The following INSC variants were observed in gnomAD, a reference collection of about 807,000 sequenced individuals.
The protein encoded by INSC is protein inscuteable homolog.
A neutral mutation model predicts 58.6 loss-of-function variants in INSC; 67 were observed. The ratio of observed to expected loss-of-function variants is 1.14; its 90% CI spans 0.94 to 1.40. INSC has a LOEUF of 1.40. Ranked by LOEUF, INSC falls within the 40% of genes most tolerant of loss-of-function variation. The pLI, the probability that INSC is intolerant of heterozygous loss-of-function variation, is 0.00. For missense variants in INSC, 714 were observed against 692.0 expected, an observed-to-expected ratio of 1.03 and a Z score of -0.36; for synonymous variants, 262 against 276.1, an observed-to-expected ratio of 0.95 and a Z score of 0.51.
chr11:15,159,889 A>T (rs1454920532), intron 2 of INSC, among the ~76,000 whole-genome samples: 1 of 152,216 alleles, frequency 6.6e-6, no homozygotes, highest in Non-Finnish European at 1.5e-5. Flanking sequence ...TATGGATTTT[A>T]TCCCCCTGAC....
intron 10 of INSC, among the ~76,000 whole-genome samples, 172 bp from the exon 11 acceptor site, chr11:15,238,747 C>T (rs1852225337): frequency 6.6e-6 from 1 of 152,222 alleles, no homozygotes; most frequent in Non-Finnish European, 1.5e-5. Context: ...GAGACACCCT[C>T]AGGAGAAGAA....
In INSC at chr11:15,177,096, C is replaced by A; in HGVS notation, c.403-15C>A. The A allele has an allele frequency of 6.2e-7, 1 of 1,612,120 alleles. No homozygotes were observed. The highest frequency in any genetic ancestry group is 8.5e-7 in the Non-Finnish European group (1 of 1,178,260). On this transcript the variant is annotated splice_polypyrimidine_tract_variant and intron_variant, in intron 3 of 12. Coordinates refer to ENST00000379556, the MANE Select transcript of INSC (RefSeq NM_001042536.3). ...TGCTTACTGAGTTGAATAAAATGGACTTATTTTTCTACAGATTGAGAAGCT... is the reference window on the plus strand; with the variant it reads ...TGCTTACTGAGTTGAATAAAATGGAATTATTTTTCTACAGATTGAGAAGCT...
chr11:15,164,949 C>T (rs1849144971), intron 2 of INSC, among the ~76,000 whole-genome samples: 1 of 152,148 alleles, frequency 6.6e-6, no homozygotes, highest in African/African-American at 2.4e-5. Flanking sequence ...TGAGGGCTCC[C>T]TATCCATGTG....
intron 9 of INSC, among the ~76,000 whole-genome samples, chr11:15,229,025 A>G (rs958973754): frequency 6.6e-6 from 1 of 152,174 alleles, no homozygotes; most frequent in African/African-American, 2.4e-5. Flanking sequence ...CATACTGCCC[A>G]TAGAATCCAG....
chr11:15,262,114 G>T, the INSC span, among the ~76,000 whole-genome samples: 1 of 152,094 alleles, frequency 6.6e-6, no homozygotes, highest in Non-Finnish European at 1.5e-5. Flanking sequence ...AGTAAAATAG[G>T]CAGGTGGCAG....
chr11:15,244,338 T>C (rs943109348), intron 12 of INSC, among the ~76,000 whole-genome samples: 3 of 152,170 alleles, frequency 2.0e-5, no homozygotes, highest in African/African-American at 7.2e-5. Context: ...CTACTTCCTG[T>C]TGCTAGGGTC....
chr11:15,130,747 T>C (rs1848106262), intron 1 of INSC, among the ~76,000 whole-genome samples: 1 of 152,188 alleles, frequency 6.6e-6, no homozygotes, highest in African/African-American at 2.4e-5. Flanking sequence ...TCAGTGGTTA[T>C]AGATCTATTT....
chr11:15,242,853 G>C (rs1564925795), intron 12 of INSC, among the ~76,000 whole-genome samples: 1 of 152,128 alleles, frequency 6.6e-6, no homozygotes, highest in African/African-American at 2.4e-5. Flanking sequence ...TGTCCCAGGT[G>C]TTTTAAGGGG....
intron 12 of INSC, among the ~76,000 whole-genome samples, chr11:15,244,999 A>G (rs1333278474): frequency 6.6e-6 from 1 of 152,174 alleles, no homozygotes; most frequent in Non-Finnish European, 1.5e-5. Flanking sequence ...TCGTTTATTC[A>G]TTTCTTTTCA....
At chr11:15,166,359 G>A (rs1292691744) in intron 2 of INSC, among the ~76,000 whole-genome samples, 2 of 152,124 alleles carry the variant, frequency 1.3e-5, no homozygotes, top group Non-Finnish European at 2.9e-5. Context: ...TGAATGAGAA[G>A]TTTCTCTGGT....
upstream of INSC, chr11:15,112,295 G>C: frequency 2.1e-6 from 1 of 485,434 alleles, no homozygotes; most frequent in Non-Finnish European, 3.6e-6. Context: ...GGGGGAGGAA[G>C]CTTCAACTCT....
chr11:15,176,276 G>GTT (rs1004909297), intron 3 of INSC, among the ~76,000 whole-genome samples, 190 bp downstream of exon 3: 1 of 148,712 alleles, frequency 6.7e-6, no homozygotes, highest in Non-Finnish European at 1.5e-5. Context: ...TGTGCTAGGT[G>GTT]TTTTTTTTTT....
chr11:15,149,215 C>A lies in INSC; in HGVS notation c.41C>A (p.Thr14Asn), dbSNP rs765710894. 2.4e-5 allele frequency: 38 copies of A among 1,608,266 alleles called. No individual in the cohort carries two copies. The highest frequency in any genetic ancestry group is 3.2e-5 in the Non-Finnish European group (38 of 1,177,664). ...LPGGRHLDSVTLPGQRLHLMQ... is the reference protein window; with the variant it reads ...LPGGRHLDSVNLPGQRLHLMQ... ...GGAGGTCGCCACCTGGACTCCGTCACCCTGCCGGGTCAGCGGTAAGTCCTA... is the reference window on the plus strand; with the variant it reads ...GGAGGTCGCCACCTGGACTCCGTCAACCTGCCGGGTCAGCGGTAAGTCCTA... Residue 14 changes from threonine (T) to asparagine (N), a missense_variant, in exon 2 of 13, where the codon ACC becomes AAC. Physicochemically the swap from Thr to Asn is moderately conservative, Grantham distance 65. Transcript: ENST00000379556.
intron 1 of INSC, among the ~76,000 whole-genome samples, chr11:15,119,176 C>G (rs545301947): frequency 2.0e-5 from 3 of 152,332 alleles, no homozygotes; most frequent in African/African-American, 7.2e-5. Flanking sequence ...AGGACCTCAA[C>G]GTGATCAGCA....
chr11:15,166,670 A>G (rs1218556277), intron 2 of INSC, among the ~76,000 whole-genome samples: 1 of 152,228 alleles, frequency 6.6e-6, no homozygotes, highest in African/African-American at 2.4e-5. Flanking sequence ...CATACTATGC[A>G]TGTCTCCCAG....
At chr11:15,114,718 C>CA (rs1847649141), upstream of INSC, among the ~76,000 whole-genome samples, 2 of 151,990 alleles carry the variant, frequency 1.3e-5, no homozygotes, top group African/African-American at 4.8e-5. Flanking sequence ...TTTCCCCCCC[C>CA]AGGGGCACCG....
At chr11:15,240,751 C>A (rs1852318206) in intron 12 of INSC, among the ~76,000 whole-genome samples, 1 of 152,180 alleles carries the variant, frequency 6.6e-6, no homozygotes, top group Admixed American at 6.5e-5. Flanking sequence ...GGCTGAGAAA[C>A]TCCCTCTTCC....
intron 5 of INSC, among the ~76,000 whole-genome samples, chr11:15,183,113 C>T (rs1052690938): frequency 6.6e-6 from 1 of 151,780 alleles, no homozygotes; most frequent in African/African-American, 2.4e-5. Flanking sequence ...TTTGGGAGGC[C>T]GAGGCAGGCA....
chr11:15,194,789 T>G (rs79009670), intron 6 of INSC, among the ~76,000 whole-genome samples: 1 of 152,168 alleles, frequency 6.6e-6, no homozygotes, highest in East Asian at 1.9e-4. Context: ...CCTCTTTAAG[T>G]TTAATTCAGA....
Sources: gnomAD v4.1 joint callset for allele counts (sites outside exome capture counted in the v4.1 genomes callset) on GRCh38, gnomAD v4.1.1 for gene constraint, MANE v1.5 for transcripts, NCBI Gene and HGNC (gene_info 2026-07-23, HGNC 2026-07-21) for gene names.